The following PLAC1 variants were observed in gnomAD, a reference collection of about 807,000 sequenced individuals.
PLAC1 encodes the protein placenta associated 1, also known as placenta-specific protein 1.
For synonymous variants in PLAC1, 68 were observed against 62.1 expected (o/e 1.09, Z -0.44); for missense variants, 136 against 163.2 (o/e 0.83, Z 0.91).
Position 134,687,378 on chromosome X carries a change from G to A in PLAC1, n.174+46057C>T, listed in dbSNP as rs1439416590. On this transcript the variant is annotated intron_variant and non_coding_transcript_variant, in intron 2 of 2. Coordinates refer to the PLAC1 transcript ENST00000466797. ...TTTGTAAACTTTTTTAAAACCTTAC[G>A]AGTTTTTGTGTGTGTGATTTTTTTT... Among the ~76,000 whole-genome samples the A allele has an allele frequency of 7.2e-5, 8 of 110,995 alleles. No homozygotes were observed. The Admixed American group carries it at 7.6e-4, about 11-fold the overall frequency.
At chrX:134,626,351 T>A (rs141733240) in intron 1 of PLAC1, among the ~76,000 whole-genome samples, 1,457 of 112,709 alleles carry the variant, frequency 0.013, 22 homozygotes, top group African/African-American at 0.045. Context: ...AACAGTTTAC[T>A]CCCAGTGTTT....
intron 1 of PLAC1, among the ~76,000 whole-genome samples, chrX:134,743,915 T>C (rs1398262050): frequency 8.9e-6 from 1 of 112,457 alleles, no homozygotes; most frequent in Non-Finnish European, 1.9e-5. Flanking sequence ...TAAGGACATC[T>C]GGATTGTAAG....
intron 1 of PLAC1, among the ~76,000 whole-genome samples, chrX:134,748,096 G>A (rs935270555): frequency 2.7e-5 from 3 of 111,501 alleles, no homozygotes; most frequent in East Asian, 2.8e-4. Flanking sequence ...TTGGGAGGCC[G>A]AGGTGGGCGG....
chrX:134,748,437 C>T (rs1465566274), intron 1 of PLAC1, among the ~76,000 whole-genome samples: 1 of 110,983 alleles, frequency 9.0e-6, no homozygotes, highest in African/African-American at 3.3e-5. Flanking sequence ...GATCTGTAAA[C>T]CCAACTAGAG....
chrX:134,683,332 T>C (rs2078505214), intron 2 of PLAC1, among the ~76,000 whole-genome samples: 1 of 110,449 alleles, frequency 9.1e-6, no homozygotes, highest in African/African-American at 3.3e-5. Context: ...TCAGTTAGGG[T>C]ATCTTTTCTC....
intron 2 of PLAC1, among the ~76,000 whole-genome samples, chrX:134,599,702 T>C (rs769285874): frequency 1.8e-5 from 2 of 111,738 alleles, no homozygotes; most frequent in South Asian, 7.6e-4. Context: ...GTTGTACATG[T>C]TATGTCTCAA....
chrX:134,714,222 C>A (rs962428593), intron 2 of PLAC1, among the ~76,000 whole-genome samples: 4 of 111,338 alleles, frequency 3.6e-5, no homozygotes, highest in African/African-American at 1.3e-4. Flanking sequence ...GTTGCATTTT[C>A]AGAGCTGAAA....
chrX:134,695,962 T>C (rs1219368645), intron 2 of PLAC1, among the ~76,000 whole-genome samples: 1 of 110,349 alleles, frequency 9.1e-6, no homozygotes, highest in Non-Finnish European at 1.9e-5. Flanking sequence ...TTTTTCTCCA[T>C]CTAGGATTGC....
chrX:134,672,334 C>T (rs770327283), intron 2 of PLAC1, among the ~76,000 whole-genome samples: 32 of 110,980 alleles, frequency 2.9e-4, no homozygotes, highest in Non-Finnish European at 4.5e-4. Context: ...CAGGGGCTGA[C>T]GGGGTATCTC....
chrX:134,656,034 C>T (rs915382902), intron 1 of PLAC1, among the ~76,000 whole-genome samples: 1 of 112,117 alleles, frequency 8.9e-6, no homozygotes, highest in East Asian at 2.8e-4. Context: ...GCCTTCAATA[C>T]CTCAGCCCTA....
At chrX:134,722,054 C>T (rs188193919) in intron 2 of PLAC1, among the ~76,000 whole-genome samples, 1 of 110,325 alleles carries the variant, frequency 9.1e-6, no homozygotes, top group African/African-American at 3.3e-5. Flanking sequence ...GAAACGAAAA[C>T]ATGTGCCCAC....
At chrX:134,594,196 T>C (rs2078052402) in intron 2 of PLAC1, among the ~76,000 whole-genome samples, 1 of 111,908 alleles carries the variant, frequency 8.9e-6, no homozygotes, top group Non-Finnish European at 1.9e-5. Flanking sequence ...AATATGGTGG[T>C]TCACACTGAT....
At chrX:134,751,446 C>T (rs2078744888) in intron 1 of PLAC1, among the ~76,000 whole-genome samples, 1 of 111,512 alleles carries the variant, frequency 9.0e-6, no homozygotes, top group Non-Finnish European at 1.9e-5. Flanking sequence ...AGCTACCAGT[C>T]TCTAGAATGC....
At chrX:134,761,519 T>TAA (rs1410039565) in intron 1 of PLAC1, among the ~76,000 whole-genome samples, 1 of 112,082 alleles carries the variant, frequency 8.9e-6, no homozygotes, top group Non-Finnish European at 1.9e-5. Context: ...GGTATGGCTT[T>TAA]AAGCAATGCC....
At chrX:134,666,279 C>A (rs1206323578) in intron 2 of PLAC1, among the ~76,000 whole-genome samples, 1 of 111,373 alleles carries the variant, frequency 9.0e-6, no homozygotes, top group African/African-American at 3.3e-5. Flanking sequence ...CTGTCCTGGG[C>A]AGTCTGCTGC....
chrX:134,611,300 A>G (rs2124397585), intron 1 of PLAC1, among the ~76,000 whole-genome samples: 1 of 110,876 alleles, frequency 9.0e-6, no homozygotes, highest in East Asian at 2.8e-4. Context: ...GTGTCATCTC[A>G]TTTTTATAAA....
At chrX:134,716,329 A>T (rs1382740668) in intron 2 of PLAC1, among the ~76,000 whole-genome samples, 1 of 112,506 alleles carries the variant, frequency 8.9e-6, no homozygotes, top group Non-Finnish European at 1.9e-5. Flanking sequence ...CAGACCTGGG[A>T]TGCTTGAAAA....
At chrX:134,714,476 TA>T (rs2078637600) in intron 2 of PLAC1, among the ~76,000 whole-genome samples, 1 of 111,290 alleles carries the variant, frequency 9.0e-6, no homozygotes, top group South Asian at 3.8e-4. Flanking sequence ...AAAATTGCAG[TA>T]AACACACGCA....
At chrX:134,608,658 CTTTTTCTTTTTTTCT>C (rs2078134326) in intron 1 of PLAC1, among the ~76,000 whole-genome samples, 1 of 95,388 alleles carries the variant, frequency 1.0e-5, no homozygotes, top group African/African-American at 3.9e-5. Context: ...TATCACTCTT[CTTTTTCTTTTTTTCT>C]TTTTTCTTTT....
Sources: allele counts gnomAD v4.1 joint callset (sites outside exome capture counted in the v4.1 genomes callset), GRCh38; gene constraint gnomAD v4.1.1; transcripts MANE v1.5; gene names NCBI Gene and HGNC (gene_info 2026-07-23, HGNC 2026-07-21).